The following ETFBKMT variants were observed in gnomAD, a reference collection of about 807,000 sequenced individuals.
ETFBKMT encodes electron transfer flavoprotein beta subunit lysine methyltransferase.
ETFBKMT carries 13 observed loss-of-function variants against 18.3 expected under a neutral mutation model. That is an observed-to-expected ratio of 0.71 (90% CI 0.46 to 1.13). The LOEUF (loss-of-function observed/expected upper bound fraction) is 1.13, where lower values mean the gene tolerates loss of function less well. ETFBKMT is among the 50% of genes most tolerant of loss of function. The pLI is 0.00. For missense variants in ETFBKMT, 293 were observed against 306.2 expected (o/e 0.96, Z 0.32); for synonymous variants, 84 against 107.9 (o/e 0.78, Z 1.37).
chr12:31,667,855 C>A lies in ETFBKMT; in HGVS notation c.654C>A (p.Asp218Glu). Residue 218 changes from aspartate to glutamate, a missense_variant, in exon 4 of 4, where the codon GAC becomes GAA. Asp to Glu is a conservative substitution (Grantham distance 45). Coordinates refer to ENST00000357721, the MANE Select transcript of ETFBKMT (RefSeq NM_001135863.2). The part of the protein sequence containing the change: ...WTYRTRVLIG[D>E]PGRPQFSGHS... Reference sequence around the variant, plus strand: ...ATAGAACTCGAGTACTGATTGGTGACCCTGGGCGGCCCCAGTTCAGTGGAC... The same window carrying A: ...ATAGAACTCGAGTACTGATTGGTGAACCTGGGCGGCCCCAGTTCAGTGGAC... 1.2e-6 allele frequency: 2 copies of A among 1,614,152 alleles called. No homozygotes were observed. The highest frequency in any genetic ancestry group is 1.7e-6 in the Non-Finnish European group (2 of 1,180,012).
chr12:31,652,968 G>A (rs142942977), intron 1 of ETFBKMT, among the ~76,000 whole-genome samples: 6 of 152,334 alleles, frequency 3.9e-5, no homozygotes, highest in Non-Finnish European at 7.4e-5. Context: ...CAGCACTTTG[G>A]GAGGCCGAGG....
At chr12:31,656,895 A>G (rs1033140492), upstream of ETFBKMT, among the ~76,000 whole-genome samples, 1 of 152,160 alleles carries the variant, frequency 6.6e-6, no homozygotes, top group Non-Finnish European at 1.5e-5. Flanking sequence ...CATCAACACT[A>G]TCTCTGTGTT....
chr12:31,652,889 G>A (rs756855082), intron 1 of ETFBKMT, among the ~76,000 whole-genome samples: 1 of 152,206 alleles, frequency 6.6e-6, no homozygotes, highest in African/African-American at 2.4e-5. Flanking sequence ...CCAATGATAA[G>A]TATTTCCATC....
chr12:31,652,974 C>T (rs1277012662), intron 1 of ETFBKMT, among the ~76,000 whole-genome samples: 2 of 152,182 alleles, frequency 1.3e-5, no homozygotes, highest in Admixed American at 6.5e-5. Context: ...TTTGGGAGGC[C>T]GAGGCCGGCG....
Position 31,672,220 on chromosome 12 carries a change from A to G in ETFBKMT, c.*4230A>G. The G allele has an allele frequency of 1.2e-6, 1 of 866,048 alleles. No individual in the cohort carries two copies. The highest frequency in any genetic ancestry group is 2.7e-5 in the East Asian group (1 of 37,538). The allele number at this position is 866,048 out of a possible 1,614,324, so 53.6% of individuals were successfully genotyped here. On this transcript the variant is annotated 3_prime_UTR_variant, in exon 4 of 4. Transcript: ENST00000357721. Reference sequence around the variant, plus strand: ...ATAATTAAAAATAGTGTTAACATTAAGTAGAATGCAAATCTCTATAGATGG... The same window carrying G: ...ATAATTAAAAATAGTGTTAACATTAGGTAGAATGCAAATCTCTATAGATGG...
intron 1 of ETFBKMT, among the ~76,000 whole-genome samples, chr12:31,650,157 T>C (rs1032463248): frequency 6.7e-6 from 1 of 149,900 alleles, no homozygotes; most frequent in African/African-American, 2.5e-5. Flanking sequence ...AAGGTATTCT[T>C]AGTCACAGAA....
chr12:31,654,980 C>T (rs1432370397), upstream of ETFBKMT, among the ~76,000 whole-genome samples: 4 of 151,292 alleles, frequency 2.6e-5, no homozygotes, highest in Admixed American at 6.6e-5. Context: ...TGCTTGAACC[C>T]GGGAGGAGAA....
intron 1 of ETFBKMT, among the ~76,000 whole-genome samples, chr12:31,654,077 C>G (rs1220508765): frequency 6.6e-6 from 1 of 152,094 alleles, no homozygotes; most frequent in Non-Finnish European, 1.5e-5. Context: ...TGAGACAGAG[C>G]CTCACCCTGT....
chr12:31,653,524 T>C (rs1248276109), intron 1 of ETFBKMT, among the ~76,000 whole-genome samples: 4 of 152,078 alleles, frequency 2.6e-5, no homozygotes, highest in Non-Finnish European at 5.9e-5. Context: ...AGATAGGGAA[T>C]TGAAAAAAGG....
Position 31,662,661 on chromosome 12 carries a change from C to T in ETFBKMT, c.314+394C>T, listed in dbSNP as rs375401956. 9.9e-5 allele frequency among the ~76,000 whole-genome samples: 15 copies of T among 151,982 alleles called. No homozygotes were observed. In the South Asian group the frequency reaches 2.1e-3, roughly 21 times the overall value. ...AGCCATATTTTTTGTTGCCTTGTTG[C>T]GTAATTTCCCATTCTAACCCAAGCT... is the stretch of plus-strand genomic sequence containing the variant. On this transcript the variant is annotated intron_variant, in intron 2 of 3. Transcript: ENST00000357721.
At position 31,659,783 on chromosome 12, in the gene ETFBKMT, A is replaced by C. The variant is rs187555176; in HGVS notation, c.-120A>C. ...CACTGGAAGTCTACGCTGAGTTCAC[A>C]GGCTATGTATGACCTGACATGCATT... On this transcript the variant is annotated 5_prime_UTR_variant, in exon 1 of 4. Coordinates refer to ENST00000357721, the MANE Select transcript of ETFBKMT (RefSeq NM_001135863.2). 6.6e-6 allele frequency: 1 copy of C among 152,240 alleles called. No homozygotes were observed. The highest frequency in any genetic ancestry group is 1.9e-4 in the East Asian group (1 of 5,172). 9.4% of individuals were successfully genotyped at this position (152,240 alleles called of 1,614,324 possible). A position where few individuals can be genotyped will look rare whatever the true frequency, so the allele number is the denominator to read the frequency against.
Position 31,668,136 on chromosome 12 carries a change from T to G in ETFBKMT, c.*146T>G, listed in dbSNP as rs2074062209. 1.5e-6 allele frequency: 1 copy of G among 663,490 alleles called. No homozygotes were observed. Among genetic ancestry groups the G allele is most frequent in the Admixed American group, 3.4e-5 (1 of 29,814 alleles). The allele number at this position is 663,490 out of a possible 1,614,324, so 41.1% of individuals were successfully genotyped here. ...TTTTAAAATATGAAGGTTTAGAGTT[T>G]TGTTTACTTTTGTCATGTAACTGGT... On this transcript the variant is annotated 3_prime_UTR_variant, in exon 4 of 4. Transcript: ENST00000357721.
chr12:31,658,238 G>T (rs1219271503), upstream of ETFBKMT, among the ~76,000 whole-genome samples: 1 of 152,136 alleles, frequency 6.6e-6, no homozygotes, highest in East Asian at 1.9e-4. Context: ...GAGAGTGTGT[G>T]GTAATGAAAA....
upstream of ETFBKMT, among the ~76,000 whole-genome samples, chr12:31,655,974 C>A (rs924917171): frequency 4.6e-5 from 7 of 152,128 alleles, no homozygotes; most frequent in Admixed American, 4.6e-4. Context: ...GTCAAATATA[C>A]CTCAATAAAG....
At chr12:31,661,780 A>G (rs917025834) in intron 1 of ETFBKMT, 61 bp from the exon 2 acceptor site, 28 of 642,146 alleles carry the variant, frequency 4.4e-5, no homozygotes, top group Non-Finnish European at 7.2e-5. Context: ...ATTATGTAAT[A>G]GGATCTAGAA....
At chr12:31,654,973 T>C (rs1951048017), upstream of ETFBKMT, among the ~76,000 whole-genome samples, 1 of 151,858 alleles carries the variant, frequency 6.6e-6, no homozygotes, top group African/African-American at 2.4e-5. Context: ...TGAGAATTGC[T>C]TGAACCCGGG....
At chr12:31,653,215 A>AG (rs1185005412) in intron 1 of ETFBKMT, among the ~76,000 whole-genome samples, 1 of 152,150 alleles carries the variant, frequency 6.6e-6, no homozygotes, top group East Asian at 1.9e-4. Context: ...TCTCAAAAAA[A>AG]AAAAAAAAAA....
chr12:31,655,357 C>T (rs992608691), upstream of ETFBKMT, among the ~76,000 whole-genome samples: 2 of 152,146 alleles, frequency 1.3e-5, no homozygotes, highest in Admixed American at 6.6e-5. Context: ...CCTCACAAAT[C>T]GCGCCTAAGA....
rs1417721376 is a variant in ETFBKMT, at chr12:31,665,982, T to G, written c.315-105T>G. The G allele has an allele frequency of 6.6e-6, 6 of 909,002 alleles. No individual in the cohort carries two copies. In the East Asian group the frequency reaches 1.7e-4, roughly 25 times the overall value. The allele number at this position is 909,002 out of a possible 1,614,324, so 56.3% of individuals were successfully genotyped here. On this transcript the variant is annotated intron_variant, in intron 2 of 3. Transcript: ENST00000357721. ...TGTCACAGTGCTGCAGAGATTTTGT[T>G]TATAGCCAGTTTTGGGGCCAGTTTA...
Sources: allele counts gnomAD v4.1 joint callset (sites outside exome capture counted in the v4.1 genomes callset), GRCh38; gene constraint gnomAD v4.1.1; transcripts MANE v1.5; gene names NCBI Gene and HGNC (gene_info 2026-07-23, HGNC 2026-07-21).